TUBB4B: variants seen among roughly 807,000 people sequenced by gnomAD.
The protein encoded by TUBB4B is tubulin beta 4B class IVb.
A neutral mutation model predicts 34.3 loss-of-function variants in TUBB4B; 7 were observed. The observed-to-expected ratio is 0.20, with a 90% CI of 0.12 to 0.38. The LOEUF is 0.38. Among genes scored for constraint, TUBB4B ranks in the 10% least tolerant of loss-of-function variants. TUBB4B has a pLI of 1.00. For missense variants in TUBB4B, 178 were observed against 610.9 expected (o/e 0.29, Z 7.47); for synonymous variants, 390 against 250.2 (o/e 1.56, Z -5.27).
rs1363194320 is a variant in TUBB4B at position 137,243,544 on chromosome 9, G to A, written c.1326G>A (p.Glu442=). Residue 442 remains glutamate, a synonymous_variant, in exon 4 of 4, where the codon GAG becomes GAA. Coordinates refer to ENST00000340384, the MANE Select transcript of TUBB4B (RefSeq NM_006088.6). ...GCGAGTTCGAGGAGGAGGCTGAGGA[G>A]GAGGTGGCCTAGAGCCTTCAGTCAC... The part of the protein sequence containing the change: ...EEGEFEEEAE[E]EVA 4 of 1,613,916 alleles carry A rather than the reference G, an allele frequency of 2.5e-6. No individual in the cohort carries two copies. Among genetic ancestry groups the A allele is most frequent in the Non-Finnish European group, 3.4e-6 (4 of 1,180,024 alleles).
rs756412588 is a variant in TUBB4B at position 137,242,446 on chromosome 9, A to G, written c.278-50A>G. The G allele has an allele frequency of 3.8e-6, 6 of 1,585,522 alleles. No individual in the cohort carries two copies. In the African/African-American group the frequency reaches 4.0e-5, roughly 11 times the overall value. On this transcript the variant is annotated intron_variant, in intron 3 of 3. Coordinates refer to ENST00000340384, the MANE Select transcript of TUBB4B (RefSeq NM_006088.6). ...CGGCTTTTTTCGCATGGCGGTGACC[A>G]GTAGTGCTGTCTACCTGGCTGACAA...
Position 137,243,424 on chromosome 9 carries a change from C to G in TUBB4B, c.1206C>G (p.Gly402=). The G allele has an allele frequency of 6.2e-7, 1 of 1,613,624 alleles. No homozygotes were observed. The highest frequency in any genetic ancestry group is 8.5e-7 in the Non-Finnish European group (1 of 1,180,040). ...KAFLHWYTGE[G]MDEMEFTEAE... ...TCCTGCACTGGTACACGGGCGAGGG[C>G]ATGGACGAGATGGAGTTCACCGAGG... The change falls in exon 4 of 4, where the codon GGC becomes GGG. Residue 402 remains glycine, a synonymous_variant. Transcript: ENST00000340384.
Position 137,243,478 on chromosome 9 carries a change from C to G in TUBB4B, c.1260C>G (p.Ser420=), listed in dbSNP as rs756461022. The part of the protein sequence containing the change: ...EAESNMNDLV[S]EYQQYQDATA... ...AGAGCAACATGAATGACCTGGTGTCCGAGTACCAGCAGTACCAGGATGCCA... is the reference window on the plus strand; with the variant it reads ...AGAGCAACATGAATGACCTGGTGTCGGAGTACCAGCAGTACCAGGATGCCA... The change falls in exon 4 of 4, where the codon TCC becomes TCG. Residue 420 remains serine, a synonymous_variant. Coordinates refer to ENST00000340384, the MANE Select transcript of TUBB4B (RefSeq NM_006088.6). The G allele has an allele frequency of 1.9e-6, 3 of 1,613,754 alleles. No homozygotes were observed. The East Asian group carries it at 6.7e-5, about 36-fold the overall frequency.
Position 137,243,635 on chromosome 9 carries a change from C to G in TUBB4B, c.*79C>G. Reference sequence around the variant, plus strand: ...CCAGCCTGTCCTGTGGCCTGTCCCACTGTGTGCACTTGCTGTTTTCCCTGT... The same window carrying G: ...CCAGCCTGTCCTGTGGCCTGTCCCAGTGTGTGCACTTGCTGTTTTCCCTGT... On this transcript the variant is annotated 3_prime_UTR_variant, in exon 4 of 4. Coordinates refer to ENST00000340384, the MANE Select transcript of TUBB4B (RefSeq NM_006088.6). 2 of 1,613,916 alleles carry G rather than the reference C, an allele frequency of 1.2e-6. No individual in the cohort carries two copies. The highest frequency in any genetic ancestry group is 1.7e-6 in the Non-Finnish European group (2 of 1,179,888).
chr9:137,242,366 G>A (rs919406799), intron 3 of TUBB4B, 130 bp from the exon 4 acceptor site: 25 of 1,143,326 alleles, frequency 2.2e-5, no homozygotes, highest in Non-Finnish European at 3.0e-5. Context: ...GCTTTGAAGG[G>A]TCCGTTTGCT....
Position 137,241,907 on chromosome 9 carries a change from G to C in TUBB4B, c.167-4G>C. ...CCTTGGCTGACGCCCTCCCGTCCCC[G>C]CAGGCGGCAAGTACGTGCCCCGCGC... On this transcript the variant is annotated splice_polypyrimidine_tract_variant and splice_region_variant and intron_variant, in intron 2 of 3. Coordinates refer to ENST00000340384, the MANE Select transcript of TUBB4B (RefSeq NM_006088.6). 2 of 1,610,746 alleles carry C rather than the reference G, an allele frequency of 1.2e-6. No homozygotes were observed. Among genetic ancestry groups the C allele is most frequent in the Non-Finnish European group, 1.7e-6 (2 of 1,178,908 alleles).
In TUBB4B at chr9:137,242,860, C is replaced by G. The variant is rs750735349; in HGVS notation, c.642C>G (p.Thr214=). ...CTCTCTACGACATTTGCTTCAGAAC[C>G]CTAAAGCTGACCACGCCCACCTATG... ...NEALYDICFR[T]LKLTTPTYGD... The change falls in exon 4 of 4, where the codon ACC becomes ACG. Residue 214 remains threonine (T), a synonymous_variant. Coordinates refer to ENST00000340384, the MANE Select transcript of TUBB4B (RefSeq NM_006088.6). 11 of 1,613,524 alleles carry G rather than the reference C, an allele frequency of 6.8e-6. No individual in the cohort carries two copies. Among genetic ancestry groups the G allele is most frequent in the South Asian group, 1.1e-5 (1 of 91,092 alleles).
Position 137,243,682 on chromosome 9 carries a change from A to G in TUBB4B, c.*126A>G, listed in dbSNP as rs1250537605. On this transcript the variant is annotated 3_prime_UTR_variant, in exon 4 of 4. Transcript: ENST00000340384. Reference sequence around the variant, plus strand: ...CTGTCCACATCCATGCTGTACAGACACCACCATTAAAGCATTTTCATAGTG... The same window carrying G: ...CTGTCCACATCCATGCTGTACAGACGCCACCATTAAAGCATTTTCATAGTG... 9.9e-6 allele frequency: 16 copies of G among 1,614,046 alleles called. No homozygotes were observed. The highest frequency in any genetic ancestry group is 3.3e-5 in the Admixed American group (2 of 60,022).
In TUBB4B at chr9:137,243,596, C is replaced by G. The variant is rs769359956; in HGVS notation, c.*40C>G. 2.5e-6 allele frequency: 4 copies of G among 1,613,328 alleles called. No individual in the cohort carries two copies. The highest frequency in any genetic ancestry group is 1.1e-5 in the South Asian group (1 of 91,078). On this transcript the variant is annotated 3_prime_UTR_variant, in exon 4 of 4. Coordinates refer to ENST00000340384, the MANE Select transcript of TUBB4B (RefSeq NM_006088.6). ...GGGGAAAGCAGGGAAGCAGTGTGAACTCTTTATTCACTCCCAGCCTGTCCT... is the reference window on the plus strand; with the variant it reads ...GGGGAAAGCAGGGAAGCAGTGTGAAGTCTTTATTCACTCCCAGCCTGTCCT...
rs556036177 is a variant in TUBB4B at position 137,241,345 on chromosome 9, C to A, written c.-16C>A. 2.5e-6 allele frequency: 4 copies of A among 1,593,226 alleles called. No individual in the cohort carries two copies. Among genetic ancestry groups the A allele is most frequent in the East Asian group, 2.4e-5 (1 of 41,686 alleles). On this transcript the variant is annotated 5_prime_UTR_variant, in exon 1 of 4. Coordinates refer to ENST00000340384, the MANE Select transcript of TUBB4B (RefSeq NM_006088.6). ...TGTCTACTTCCTCCTGCTTCCCCGC[C>A]GCCGCCGCCGCCATCATGAGGGAAA...
At position 137,241,780 on chromosome 9, in the gene TUBB4B, C is replaced by G. The variant is rs761729901; in HGVS notation, c.117C>G (p.Asp39Glu). 5 of 1,612,226 alleles carry G rather than the reference C, an allele frequency of 3.1e-6. No individual in the cohort carries two copies. In the Admixed American group the frequency reaches 6.7e-5, roughly 22 times the overall value. The stretch of plus-strand genomic sequence containing the variant: ...ACCCCACGGGCACCTACCACGGGGA[C>G]AGCGACCTGCAGCTGGAACGCATCA... ...GIDPTGTYHG[D>E]SDLQLERINV... is the part of the protein sequence containing the mutation. Residue 39 changes from aspartate to glutamate, a missense_variant, in exon 2 of 4, where the codon GAC becomes GAG. By Grantham distance (45) the Asp-to-Glu change is conservative (BLOSUM62 2). Transcript: ENST00000340384.
intron 1 of TUBB4B, 151 bp from the exon 2 acceptor site, chr9:137,241,570 C>T (rs1036264320): frequency 4.5e-5 from 36 of 800,544 alleles, no homozygotes; most frequent in Admixed American, 1.2e-4. Flanking sequence ...GCGACCGAAG[C>T]CCCCAGGAAC....
rs913645433 is a variant in TUBB4B at position 137,241,302 on chromosome 9, C to A, written c.-59C>A. 6.4e-6 allele frequency: 10 copies of A among 1,565,336 alleles called. No individual in the cohort carries two copies. In the Admixed American group the frequency reaches 8.8e-5, roughly 14 times the overall value. The stretch of plus-strand genomic sequence containing the variant: ...CGTCGGTTGTAGCACTCTGCGCGCC[C>A]GCTCTTCTGCTGCTGTTTGTCTACT... On this transcript the variant is annotated 5_prime_UTR_variant, in exon 1 of 4. Coordinates refer to ENST00000340384, the MANE Select transcript of TUBB4B (RefSeq NM_006088.6).
rs1836790855 is a variant in TUBB4B, at chr9:137,243,124, C to T, written c.906C>T (p.Ala302=). 4 of 1,612,950 alleles carry T rather than the reference C, an allele frequency of 2.5e-6. No homozygotes were observed. Among genetic ancestry groups the T allele is most frequent in the African/African-American group, 1.3e-5 (1 of 75,062 alleles). ...QMFDAKNMMA[A]CDPRHGRYLT... ...TTGATGCCAAGAACATGATGGCTGC[C>T]TGCGACCCCCGCCATGGCCGCTACC... Residue 302 remains alanine, a synonymous_variant, in exon 4 of 4, where the codon GCC becomes GCT. Coordinates refer to ENST00000340384, the MANE Select transcript of TUBB4B (RefSeq NM_006088.6).
Position 137,241,787 on chromosome 9 carries a change from C to T in TUBB4B, c.124C>T (p.Leu42=), listed in dbSNP as rs756613664. ...PTGTYHGDSD[L]QLERINVYYN... ...GGGCACCTACCACGGGGACAGCGAC[C>T]TGCAGCTGGAACGCATCAACGTGTA... The change falls in exon 2 of 4, where the codon CTG becomes TTG. Residue 42 remains leucine (L), a synonymous_variant. Transcript: ENST00000340384. 3.7e-6 allele frequency: 6 copies of T among 1,612,374 alleles called. No homozygotes were observed. The South Asian group carries it at 4.4e-5, about 12-fold the overall frequency.
intron 3 of TUBB4B, 147 bp downstream of exon 3, chr9:137,242,168 G>A: frequency 2.4e-6 from 2 of 820,436 alleles, no homozygotes; most frequent in South Asian, 3.6e-5. Context: ...GGCTTTGGGA[G>A]CAAGGTCCAG....
chr9:137,242,882 T>TA lies in TUBB4B; in HGVS notation c.665dup (p.Tyr222Ter), dbSNP rs1253853815. 1 of 1,613,246 alleles carries TA rather than the reference T, an allele frequency of 6.2e-7. No homozygotes were observed. The highest frequency in any genetic ancestry group is 8.5e-7 in the Non-Finnish European group (1 of 1,180,036). Residue 222 changes from tyrosine to a stop codon, truncating the protein, a stop_gained and frameshift_variant, in exon 4 of 4, where the codon TAT becomes TAAT. Coordinates refer to ENST00000340384, the MANE Select transcript of TUBB4B (RefSeq NM_006088.6). LOFTEE classifies it high-confidence loss of function. ...FRTLKLTTPTYGDLNHLVSAT... is the reference protein window; with the variant it reads ...FRTLKLTTPT ...AACCCTAAAGCTGACCACGCCCACCTATGGTGACCTGAACCACCTGGTGTC... is the reference window on the plus strand; with the variant it reads ...AACCCTAAAGCTGACCACGCCCACCTAATGGTGACCTGAACCACCTGGTGTC...
rs1389671117 is a variant in TUBB4B, at chr9:137,243,049, C to A, written c.831C>A (p.Gly277=). The change falls in exon 4 of 4, where the codon GGC becomes GGA. Residue 277 remains glycine (G), a synonymous_variant. Transcript: ENST00000340384. ...MPGFAPLTSR[G]SQQYRALTVP... ...GCTTTGCCCCACTGACCAGCCGGGGCAGCCAGCAGTACCGGGCGCTGACCG... is the reference window on the plus strand; with the variant it reads ...GCTTTGCCCCACTGACCAGCCGGGGAAGCCAGCAGTACCGGGCGCTGACCG... 1.9e-6 allele frequency: 3 copies of A among 1,612,900 alleles called. No individual in the cohort carries two copies. Among genetic ancestry groups the A allele is most frequent in the East Asian group, 2.2e-5 (1 of 44,878 alleles).
At position 137,241,892 on chromosome 9, in the gene TUBB4B, C is replaced by T. The variant is rs766453502; in HGVS notation, c.167-19C>T. ...ACCCCGCGGCCCCTGCCTTGGCTGA[C>T]GCCCTCCCGTCCCCGCAGGCGGCAA... On this transcript the variant is annotated intron_variant, in intron 2 of 3. Coordinates refer to ENST00000340384, the MANE Select transcript of TUBB4B (RefSeq NM_006088.6). 3 of 1,610,972 alleles carry T rather than the reference C, an allele frequency of 1.9e-6. No homozygotes were observed. The highest frequency in any genetic ancestry group is 2.2e-5 in the South Asian group (2 of 90,982).
Sources: allele counts gnomAD v4.1 joint callset, GRCh38; gene constraint gnomAD v4.1.1; transcripts MANE v1.5; gene names NCBI Gene and HGNC (gene_info 2026-07-23, HGNC 2026-07-21).